ZNF37A: variants seen among roughly 807,000 people sequenced by gnomAD.
ZNF37A encodes zinc finger protein 37A.
A neutral mutation model predicts 12.3 loss-of-function variants in ZNF37A; 10 were observed. That is an observed-to-expected ratio of 0.82 (90% CI 0.50 to 1.38). The LOEUF is 1.38. ZNF37A is among the 40% of genes most tolerant of loss of function. The pLI, the probability that ZNF37A is intolerant of heterozygous loss-of-function variation, is 0.00. For synonymous variants in ZNF37A, 207 were observed against 223.0 expected (o/e 0.93, Z 0.64); for missense variants, 580 against 651.2 (o/e 0.89, Z 1.19).
downstream of ZNF37A, among the ~76,000 whole-genome samples, chr10:38,129,319 A>AAAAAAAAAAAAAAAAAAAAAAAAAAAAC: frequency 3.3e-4 from 38 of 116,276 alleles, 1 homozygote; most frequent in African/African-American, 5.8e-4. Context: ...AAAAAAAAAA[A>AAAAAAAAAAAAAAAAAAAAAAAAAAAAC]AAACTATTAT....
Position 38,121,273 on chromosome 10 carries a change from C to T in ZNF37A, c.*2436C>T, listed in dbSNP as rs1402226321. The T allele has an allele frequency of 6.6e-6, 1 of 151,644 alleles. No homozygotes were observed. The highest frequency in any genetic ancestry group is 1.5e-5 in the Non-Finnish European group (1 of 67,960). 9.4% of individuals were successfully genotyped at this position (151,644 alleles called of 1,614,324 possible). ...GTCTCATAGATTTAGATGCAAAATC[C>T]TAAAATTGAAAAAAACATCTAGCCA... is the stretch of plus-strand genomic sequence containing the variant. On this transcript the variant is annotated 3_prime_UTR_variant, in exon 8 of 8. Transcript: ENST00000685332.
intron 5 of ZNF37A, among the ~76,000 whole-genome samples, chr10:38,099,409 C>T (rs2135872098): frequency 6.6e-6 from 1 of 152,254 alleles, no homozygotes. Context: ...CTTATTTCAC[C>T]TAGCATAATG....
At position 38,104,764 on chromosome 10, in the gene ZNF37A, G is replaced by A. The variant is rs118025876; in HGVS notation, c.15+8132G>A. ...ATTGACAGTTAGGAAATACATGTGT[G>A]TATGTATACATACACACACACACAC... On this transcript the variant is annotated intron_variant, in intron 5 of 7. Transcript: ENST00000685332. Among the ~76,000 whole-genome samples, 119 of 149,754 alleles carry A rather than the reference G, an allele frequency of 7.9e-4. 1 individual carries two copies. In the East Asian group the frequency reaches 0.021, roughly 26 times the overall value.
At chr10:38,112,418 A>G (rs770472251) in intron 5 of ZNF37A, among the ~76,000 whole-genome samples, 4 of 152,024 alleles carry the variant, frequency 2.6e-5, no homozygotes, top group Non-Finnish European at 5.9e-5. Context: ...AGCATGTGGG[A>G]GTTATTTATA....
At chr10:38,115,107 G>GTA in intron 6 of ZNF37A, 88 bp from the exon 7 acceptor site, 2 of 917,070 alleles carry the variant, frequency 2.2e-6, no homozygotes, top group Non-Finnish European at 3.3e-6. Flanking sequence ...GTGTGTGTGT[G>GTA]TGTGTGTGTA....
intron 7 of ZNF37A, among the ~76,000 whole-genome samples, chr10:38,137,051 C>T (rs2070116825): frequency 6.6e-6 from 1 of 152,040 alleles, no homozygotes; most frequent in African/African-American, 2.4e-5. Flanking sequence ...CTGTTTCGTC[C>T]ATGTCTTCCT....
At chr10:38,111,888 T>A (rs1388400812) in intron 5 of ZNF37A, among the ~76,000 whole-genome samples, 1 of 151,706 alleles carries the variant, frequency 6.6e-6, no homozygotes, top group Non-Finnish European at 1.5e-5. Flanking sequence ...CAGTGCCTTC[T>A]AACCTCCAAG....
chr10:38,114,906 A>G (rs1373474397), intron 6 of ZNF37A, 25 bp downstream of exon 6: 9 of 1,595,528 alleles, frequency 5.6e-6, no homozygotes, highest in Non-Finnish European at 6.8e-6. Context: ...TTTCCCATGT[A>G]GAAGGCCAGA....
intron 5 of ZNF37A, among the ~76,000 whole-genome samples, chr10:38,105,450 G>A (rs1218816354): frequency 6.6e-6 from 1 of 152,138 alleles, no homozygotes. Flanking sequence ...GAAGTTAAAA[G>A]GGGCCATTTG....
chr10:38,105,990 A>G (rs896674941), intron 5 of ZNF37A, among the ~76,000 whole-genome samples: 21 of 150,768 alleles, frequency 1.4e-4, no homozygotes, highest in African/African-American at 3.9e-4. Context: ...TTTCTTGCCT[A>G]TTTGCTCTGG....
chr10:38,104,401 G>A (rs2067857451), intron 5 of ZNF37A, among the ~76,000 whole-genome samples: 1 of 152,008 alleles, frequency 6.6e-6, no homozygotes, highest in Non-Finnish European at 1.5e-5. Flanking sequence ...GAATGTTCTG[G>A]GTGTACTAGG....
chr10:38,131,954 A>G, intron 7 of ZNF37A, among the ~76,000 whole-genome samples: 1 of 152,172 alleles, frequency 6.6e-6, no homozygotes, highest in Non-Finnish European at 1.5e-5. Context: ...GGTATAGCAA[A>G]CAAAATTGCT....
intron 7 of ZNF37A, among the ~76,000 whole-genome samples, chr10:38,136,480 A>C (rs1181030816): frequency 6.6e-6 from 1 of 152,182 alleles, no homozygotes; most frequent in African/African-American, 2.4e-5. Flanking sequence ...ATATTCAGAC[A>C]CTAACTTCTG....
chr10:38,137,042 T>G (rs2070116751), intron 7 of ZNF37A, among the ~76,000 whole-genome samples: 1 of 152,232 alleles, frequency 6.6e-6, no homozygotes, highest in African/African-American at 2.4e-5. Context: ...ATCATTTTCC[T>G]GTTTCGTCCA....
intron 5 of ZNF37A, among the ~76,000 whole-genome samples, chr10:38,114,196 A>G (rs2069050218): frequency 1.3e-5 from 2 of 152,356 alleles, no homozygotes; most frequent in South Asian, 4.1e-4. Flanking sequence ...ACCTCATCAC[A>G]GGTAAGACAT....
chr10:38,114,669 A>G (rs1274149521), intron 5 of ZNF37A, 86 bp from the exon 6 acceptor site: 2 of 1,560,690 alleles, frequency 1.3e-6, no homozygotes, highest in African/African-American at 2.7e-5. Context: ...TCAACAATAA[A>G]AATGGTAAGA....
chr10:38,146,830 G>A (rs1188150163), exon 8 of ZNF37A: 7 of 396,616 alleles, frequency 1.8e-5, no homozygotes, highest in Non-Finnish European at 3.1e-5. Context: ...GAGGAATGAA[G>A]ACAAAGACAA....
intron 6 of ZNF37A, 69 bp from the exon 7 acceptor site, chr10:38,115,126 G>C (rs1435707329): frequency 8.5e-7 from 1 of 1,182,420 alleles, no homozygotes; most frequent in Non-Finnish European, 1.2e-6. Flanking sequence ...TACTGTTTGG[G>C]GTATACTGTC....
At chr10:38,104,892 T>G (rs2067918586) in intron 5 of ZNF37A, among the ~76,000 whole-genome samples, 1 of 152,178 alleles carries the variant, frequency 6.6e-6, no homozygotes, top group African/African-American at 2.4e-5. Context: ...CTTAACCCCA[T>G]AGCCTTTCTG....
Sources: allele counts gnomAD v4.1 joint callset (sites outside exome capture counted in the v4.1 genomes callset), GRCh38; gene constraint gnomAD v4.1.1; transcripts MANE v1.5; gene names NCBI Gene and HGNC (gene_info 2026-07-23, HGNC 2026-07-21).